The following DHX37 variants were observed in gnomAD, a reference collection of about 807,000 sequenced individuals.
DHX37 encodes the protein probable ATP-dependent RNA helicase DHX37.
A neutral mutation model predicts 134.3 loss-of-function variants in DHX37; 52 were observed. The ratio of observed to expected loss-of-function variants is 0.39; its 90% confidence interval spans 0.31 to 0.49. The LOEUF (loss-of-function observed/expected upper bound fraction) is 0.49, where lower values mean the gene tolerates loss of function less well. Among genes scored for constraint, DHX37 ranks in the 20% least tolerant of loss-of-function variants. DHX37 has a pLI of 0.93. For missense variants in DHX37, 1,344 were observed against 1,580.8 expected, an observed-to-expected ratio of 0.85 and a Z score of 2.54; for synonymous variants, 634 against 670.7, an observed-to-expected ratio of 0.95 and a Z score of 0.85.
intron 14 of DHX37, 73 bp from the exon 15 acceptor site, chr12:124,964,699 C>G (rs1954341453): frequency 6.4e-7 from 1 of 1,574,558 alleles, no homozygotes; most frequent in South Asian, 1.2e-5. Context: ...GGCTCAAGGA[C>G]AAAGCCAGCC....
In DHX37 at chr12:124,954,189, GCTC is replaced by G. The variant is rs1258203550; in HGVS notation, c.2473_2475del (p.Glu825del). 1 of 1,607,300 alleles carries G rather than the reference GCTC, an allele frequency of 6.2e-7. No individual in the cohort carries two copies. Among genetic ancestry groups the G allele is most frequent in the South Asian group, 1.1e-5 (1 of 90,082 alleles). Reference sequence around the variant, plus strand: ...GCCCGCTTGCTCTTCAGCCTGGTGAGCTCCTCGTCACTGGCCGCTGGTCTGCAA... The same window carrying G: ...GCCCGCTTGCTCTTCAGCCTGGTGAGCTCGTCACTGGCCGCTGGTCTGCAA... On this transcript the variant is annotated inframe_deletion, in exon 19 of 27. Transcript: ENST00000308736.
At chr12:124,952,686 C>T in intron 20 of DHX37, 116 bp from the exon 21 acceptor site, 1 of 1,171,640 alleles carries the variant, frequency 8.5e-7, no homozygotes, top group Non-Finnish European at 1.1e-6. Context: ...ACCTGCTTGT[C>T]TCAACCCCTC....
At position 124,950,822 on chromosome 12, in the gene DHX37, T is replaced by A. The variant is rs777073142; in HGVS notation, c.2869-18A>T. 7 of 1,591,632 alleles carry A rather than the reference T, an allele frequency of 4.4e-6. No homozygotes were observed. The highest frequency in any genetic ancestry group is 6.0e-6 in the Non-Finnish European group (7 of 1,173,136). ...AGAGGGGTCTGCAGAGAATGGAGAG[T>A]GATGTGGTCAGGGAAGAACCCATGC... On this transcript the variant is annotated intron_variant, in intron 21 of 26. Coordinates refer to ENST00000308736, the MANE Select transcript of DHX37 (RefSeq NM_032656.4).
At position 124,954,168 on chromosome 12, in the gene DHX37, G is replaced by T; in HGVS notation, c.2497C>A (p.Arg833=). 1 of 1,611,284 alleles carries T rather than the reference G, an allele frequency of 6.2e-7. No homozygotes were observed. The highest frequency in any genetic ancestry group is 8.5e-7 in the Non-Finnish European group (1 of 1,178,962). ...CTCTTCATCTGGGCCACCCGGGCCC[G>T]CTTGCTCTTCAGCCTGGTGAGCTCC... ...DEELTRLKSK[R]ARVAQMKRTW... is the part of the protein sequence containing the mutation. Residue 833 remains arginine (R), a synonymous_variant, in exon 19 of 27, where the codon CGG becomes AGG. Coordinates refer to ENST00000308736, the MANE Select transcript of DHX37 (RefSeq NM_032656.4).
In DHX37 at chr12:124,977,624, G is replaced by A. The variant is rs1253053539; in HGVS notation, c.739-134C>T. ...GGGGAACAGAGGCCCTGACAGCTGG[G>A]GAGGGGACCAGGAGCCATGGTCCAG... On this transcript the variant is annotated intron_variant, in intron 4 of 26. Coordinates refer to ENST00000308736, the MANE Select transcript of DHX37 (RefSeq NM_032656.4). The A allele has an allele frequency of 3.7e-6, 4 of 1,079,744 alleles. No individual in the cohort carries two copies. In the African/African-American group the frequency reaches 6.5e-5, roughly 18 times the overall value. The allele number at this position is 1,079,744 out of a possible 1,614,324, so 66.9% of individuals were successfully genotyped here.
chr12:124,970,666 GCTGAAGTGGAGGC>G (rs1566343147), intron 8 of DHX37, among the ~76,000 whole-genome samples: 74 of 152,322 alleles, frequency 4.9e-4, no homozygotes, highest in African/African-American at 1.7e-3. Flanking sequence ...TGCCACCCTT[GCTGAAGTGGAGGC>G]CCCAGGAGGG....
Position 124,964,604 on chromosome 12 carries a change from C to T in DHX37, c.1835G>A (p.Gly612Glu). Residue 612 changes from glycine (G) to glutamate (E), a missense_variant, in exon 15 of 27, where the codon GGG becomes GAG. By Grantham distance (98) the Gly-to-Glu change is moderately conservative. Around this residue, in one of 7 missense-constraint regions of DHX37, gnomAD observed 289 missense variants for 323.8 expected, o/e 0.89. Coordinates refer to ENST00000308736, the MANE Select transcript of DHX37 (RefSeq NM_032656.4). ...GGTGGCCACAACACACAACCGAGTC[C>T]CCTCCGGTGGAGGCTTAAAGACCTA... Reference protein sequence around the residue: ...QAQVFKPPPEGTRLCVVATNV... With the variant: ...QAQVFKPPPEETRLCVVATNV... 6.2e-7 allele frequency: 1 copy of T among 1,612,128 alleles called. No homozygotes were observed. The highest frequency in any genetic ancestry group is 8.5e-7 in the Non-Finnish European group (1 of 1,179,488).
chr12:124,977,518 G>C (rs1205428379), intron 4 of DHX37, 28 bp from the exon 5 acceptor site: 1 of 1,574,622 alleles, frequency 6.4e-7, no homozygotes, highest in African/African-American at 1.4e-5. Flanking sequence ...CAGCACTTAG[G>C]GAGCAGCAAG....
At chr12:124,969,758 C>T (rs1594495675) in intron 8 of DHX37, among the ~76,000 whole-genome samples, 1 of 152,024 alleles carries the variant, frequency 6.6e-6, no homozygotes, top group Non-Finnish European at 1.5e-5. Flanking sequence ...TCTGCAGCCG[C>T]TGGGGGAAAT....
rs899743091 is a variant in DHX37 at position 124,980,233 on chromosome 12, C to T, written c.738+257G>A. On this transcript the variant is annotated intron_variant, in intron 4 of 26. Coordinates refer to ENST00000308736, the MANE Select transcript of DHX37 (RefSeq NM_032656.4). The surrounding 1 kb of genome is among the most constrained non-coding windows in gnomAD (Gnocchi z 5.3). Reference sequence around the variant, plus strand: ...AGGCCCGCTGGTCAGAGGGCAGTGGCGATGAAGCTACTGCCGCCGACCTCC... The same window carrying T: ...AGGCCCGCTGGTCAGAGGGCAGTGGTGATGAAGCTACTGCCGCCGACCTCC... 1.3e-5 allele frequency among the ~76,000 whole-genome samples: 2 copies of T among 152,222 alleles called. No homozygotes were observed. Among genetic ancestry groups the T allele is most frequent in the African/African-American group, 2.4e-5 (1 of 41,460 alleles).
rs1954542935 is a variant in DHX37 at position 124,972,530 on chromosome 12, A to G, written c.1050T>C (p.Asp350=). 2.5e-6 allele frequency: 4 copies of G among 1,614,144 alleles called. No individual in the cohort carries two copies. The highest frequency in any genetic ancestry group is 1.7e-4 in the Middle Eastern group (1 of 6,060). ...TEETRIKFMT[D]GVLLKEIQKD... Reference sequence around the variant, plus strand: ...TCTGGATTTCTTTAAGCAGCACACCATCCGTCATGAACTTGATTCTGGTCT... The same window carrying G: ...TCTGGATTTCTTTAAGCAGCACACCGTCCGTCATGAACTTGATTCTGGTCT... Residue 350 remains aspartate, a synonymous_variant, in exon 7 of 27, where the codon GAT becomes GAC. Transcript: ENST00000308736.
Position 124,983,418 on chromosome 12 carries a change from T to TACACACACACAC in DHX37, c.277-807_277-796dup, listed in dbSNP as rs141343765. Among the ~76,000 whole-genome samples, 931 of 148,196 alleles carry TACACACACACAC rather than the reference T, an allele frequency of 6.3e-3. 3 individuals carry two copies. Among genetic ancestry groups the TACACACACACAC allele is most frequent in the Middle Eastern group, 0.014 (4 of 294 alleles). On this transcript the variant is annotated intron_variant, in intron 2 of 26. Transcript: ENST00000308736. ...AGCCTACACACTTCTATGTGTGTATTACACACACACACACACACACACACA... is the reference window on the plus strand; with the variant it reads ...AGCCTACACACTTCTATGTGTGTATTACACACACACACACACACACACACACACACACACACA...
rs1423877676 is a variant in DHX37 at position 124,986,278 on chromosome 12, A to G, written c.107-13T>C. 2 of 1,611,722 alleles carry G rather than the reference A, an allele frequency of 1.2e-6. No individual in the cohort carries two copies. Among genetic ancestry groups the G allele is most frequent in the Non-Finnish European group, 1.7e-6 (2 of 1,179,508 alleles). On this transcript the variant is annotated splice_polypyrimidine_tract_variant and intron_variant, in intron 1 of 26. Transcript: ENST00000308736. ...AACGTGTCCTTGTCTGAGAGAGCACAGTTATTAAGTCCCCATTCTCCTTGA... is the reference window on the plus strand; with the variant it reads ...AACGTGTCCTTGTCTGAGAGAGCACGGTTATTAAGTCCCCATTCTCCTTGA...
intron 2 of DHX37, among the ~76,000 whole-genome samples, chr12:124,984,615 G>GA (rs145401774): frequency 0.025 from 3,796 of 149,608 alleles, 146 homozygotes; most frequent in African/African-American, 0.087. Context: ...ACTACAATGG[G>GA]AAAAAAAAAC....
intron 15 of DHX37, among the ~76,000 whole-genome samples, chr12:124,961,182 GCGCACGCACACACACACATACA>G: frequency 3.1e-5 from 1 of 31,838 alleles, no homozygotes; most frequent in Middle Eastern, 0.017. Flanking sequence ...GCGCGCATGC[GCGCACGCACACACACACATACA>G]CGTGTGCACG....
At position 124,950,785 on chromosome 12, in the gene DHX37, G is replaced by C; in HGVS notation, c.2888C>G (p.Pro963Arg). Residue 963 changes from proline to arginine, a missense_variant, in exon 22 of 27, where the codon CCT becomes CGT. Coordinates refer to ENST00000308736, the MANE Select transcript of DHX37 (RefSeq NM_032656.4). ...NAYKTPLLDDPVFIHPSSVLF... is the reference protein window; with the variant it reads ...NAYKTPLLDDRVFIHPSSVLF... ...GACGGAGCTGGGGTGGATGAAGACAGGGTCGTCGAGGAGAGGGGTCTGCAG... is the reference window on the plus strand; with the variant it reads ...GACGGAGCTGGGGTGGATGAAGACACGGTCGTCGAGGAGAGGGGTCTGCAG... 1 of 1,607,316 alleles carries C rather than the reference G, an allele frequency of 6.2e-7. No individual in the cohort carries two copies. The highest frequency in any genetic ancestry group is 2.2e-5 in the East Asian group (1 of 44,708).
Position 124,986,080 on chromosome 12 carries a change from C to G in DHX37, c.276+16G>C, listed in dbSNP as rs769385040. ...GCTGGAGAGCCACTTGCAGACCCTG[C>G]CCGAGTGGGGTGTACCTGGCTCTTT... On this transcript the variant is annotated intron_variant, in intron 2 of 26. Transcript: ENST00000308736. The G allele has an allele frequency of 1.9e-6, 3 of 1,612,728 alleles. No individual in the cohort carries two copies. In the East Asian group the frequency reaches 6.7e-5, roughly 36 times the overall value.
chr12:124,960,190 C>G (rs1200022227), intron 16 of DHX37, 122 bp downstream of exon 16: 1 of 1,476,608 alleles, frequency 6.8e-7, no homozygotes, highest in African/African-American at 1.4e-5. Flanking sequence ...TGCTGATGCA[C>G]TGTTGTGTAA....
In DHX37 at chr12:124,975,502, G is replaced by A. The variant is rs759633742; in HGVS notation, c.897C>T (p.Ser299=). 3.1e-6 allele frequency: 5 copies of A among 1,612,354 alleles called. No homozygotes were observed. In the East Asian group the frequency reaches 1.1e-4, roughly 36 times the overall value. The change falls in exon 6 of 27, where the codon AGC becomes AGT. Residue 299 remains serine, a synonymous_variant. Coordinates refer to ENST00000308736, the MANE Select transcript of DHX37 (RefSeq NM_032656.4). ...GGCGGGGCTCCGTGACACCGATGAT[G>A]CTGTCTTCACTGGGGGAGGAAGAAC... is the stretch of plus-strand genomic sequence containing the variant. ...LYEAGFSSED[S]IIGVTEPRRV... is the part of the protein sequence containing the mutation.
Sources: gnomAD v4.1 joint callset for allele counts (sites outside exome capture counted in the v4.1 genomes callset) on GRCh38, gnomAD v4.1.1 for gene constraint, gnomAD v4.1.1 regional missense constraint, Gnocchi (gnomAD v3.1) non-coding constraint, MANE v1.5 for transcripts, NCBI Gene and HGNC (gene_info 2026-07-23, HGNC 2026-07-21) for gene names.